Variants in OSBP observed in about 807,000 individuals in gnomAD.
The protein encoded by OSBP is oxysterol binding protein.
In OSBP, 32 loss-of-function variants were observed where a neutral mutation model predicts 96.6. The ratio of observed to expected loss-of-function variants is 0.33; its 90% confidence interval spans 0.25 to 0.45. The LOEUF (loss-of-function observed/expected upper bound fraction) is 0.45. Ranked by LOEUF, OSBP falls within the 20% of genes least tolerant of loss-of-function variation. The pLI is 1.00. For missense variants in OSBP, 653 were observed against 1,029.7 expected (o/e 0.63, Z 5.01); for synonymous variants, 369 against 389.6 (o/e 0.95, Z 0.62).
intron 2 of OSBP, among the ~76,000 whole-genome samples, chr11:59,609,495 A>G (rs1860819600): frequency 6.6e-6 from 1 of 152,082 alleles, no homozygotes. Flanking sequence ...GAAAAAAAAA[A>G]AAAAAGACAA....
At chr11:59,600,935 A>G in intron 5 of OSBP, 62 bp from the exon 6 acceptor site, 1 of 1,386,536 alleles carries the variant, frequency 7.2e-7, no homozygotes, top group Non-Finnish European at 1.0e-6. Context: ...GTGGTCCTGG[A>G]CATTTCTTTA....
intron 9 of OSBP, among the ~76,000 whole-genome samples, chr11:59,587,468 C>T (rs775343292): frequency 8.6e-5 from 13 of 151,052 alleles, no homozygotes; most frequent in Non-Finnish European, 1.8e-4. Context: ...CGCCACTGCA[C>T]TCCAGACTGG....
rs1220431913 is a variant in OSBP at position 59,575,816 on chromosome 11, GC to G, written c.*760del. 5 of 152,242 alleles carry G rather than the reference GC, an allele frequency of 3.3e-5. No individual in the cohort carries two copies. The highest frequency in any genetic ancestry group is 1.3e-4 in the Admixed American group (2 of 15,286). The allele number at this position is 152,242 out of a possible 1,614,324, so 9.4% of individuals were successfully genotyped here. A position where few individuals can be genotyped will look rare whatever the true frequency, so the allele number is the denominator to read the frequency against. On this transcript the variant is annotated 3_prime_UTR_variant, in exon 14 of 14. Transcript: ENST00000263847. ...CTGCCTGTGTTCTCAGAAGCTCTCC[GC>G]CTGAGGAAGTCCATAAAACCCCTTT... is the stretch of plus-strand genomic sequence containing the variant.
rs761633183 is a variant in OSBP at position 59,574,475 on chromosome 11, T to G, written c.*2102A>C. ...CAATAAGGCAAAAAAACTGAAAATA[T>G]ATATAGTTGTGTTTTGTTTTCATGT... On this transcript the variant is annotated 3_prime_UTR_variant, in exon 14 of 14. Transcript: ENST00000263847. 6.6e-6 allele frequency: 1 copy of G among 152,240 alleles called. No homozygotes were observed. Among genetic ancestry groups the G allele is most frequent in the Non-Finnish European group, 1.5e-5 (1 of 67,994 alleles). The allele number at this position is 152,240 out of a possible 1,614,324, so 9.4% of individuals were successfully genotyped here.
intron 12 of OSBP, 85 bp from the exon 13 acceptor site, chr11:59,577,110 GC>G: frequency 1.9e-6 from 2 of 1,043,838 alleles, no homozygotes; most frequent in Non-Finnish European, 2.8e-6. Flanking sequence ...CACTGCCAAG[GC>G]CACATCACCA....
In OSBP at chr11:59,574,551, G is replaced by A. The variant is rs184001323; in HGVS notation, c.*2026C>T. ...AAACTTCTTCCATTAGCGGGAATCT[G>A]ATTGGGATCAGCCAGAAATGTAGTG... is the stretch of plus-strand genomic sequence containing the variant. On this transcript the variant is annotated 3_prime_UTR_variant, in exon 14 of 14. Coordinates refer to ENST00000263847, the MANE Select transcript of OSBP (RefSeq NM_002556.3). 50 of 152,472 alleles carry A rather than the reference G, an allele frequency of 3.3e-4. No individual in the cohort carries two copies. The East Asian group carries it at 3.9e-3, about 12-fold the overall frequency. The allele number at this position is 152,472 out of a possible 1,614,324, so 9.4% of individuals were successfully genotyped here. A position where few individuals can be genotyped will look rare whatever the true frequency, so the allele number is the denominator to read the frequency against.
In OSBP at chr11:59,615,599, G is replaced by A. The variant is rs775119868; in HGVS notation, c.66C>T (p.Gly22=). ...PGPAAIAALG[G]GGAGPPVVGG... Reference sequence around the variant, plus strand: ...CCACCACTGGGGGACCGGCGCCGCCGCCGCCAAGTGCTGCAATGGCTGCCG... The same window carrying A: ...CCACCACTGGGGGACCGGCGCCGCCACCGCCAAGTGCTGCAATGGCTGCCG... Residue 22 remains glycine, a synonymous_variant, in exon 1 of 14, where the codon GGC becomes GGT. Coordinates refer to ENST00000263847, the MANE Select transcript of OSBP (RefSeq NM_002556.3). 4 of 1,373,316 alleles carry A rather than the reference G, an allele frequency of 2.9e-6. No homozygotes were observed. The highest frequency in any genetic ancestry group is 3.8e-6 in the Non-Finnish European group (4 of 1,060,500). 85.1% of individuals were successfully genotyped at this position (1,373,316 alleles called of 1,614,324 possible). A position where few individuals can be genotyped will look rare whatever the true frequency, so the allele number is the denominator to read the frequency against.
chr11:59,587,312 C>G (rs1590669762), intron 9 of OSBP, among the ~76,000 whole-genome samples: 1 of 152,034 alleles, frequency 6.6e-6, no homozygotes, highest in Admixed American at 6.6e-5. Flanking sequence ...ACCAGCCTGA[C>G]CAACATGGTG....
intron 9 of OSBP, among the ~76,000 whole-genome samples, chr11:59,587,355 A>G (rs1417519520): frequency 6.6e-6 from 1 of 152,052 alleles, no homozygotes; most frequent in African/African-American, 2.4e-5. Flanking sequence ...ACAAAAAATT[A>G]GCCGGGTGTG....
intron 11 of OSBP, among the ~76,000 whole-genome samples, chr11:59,579,375 C>T (rs1431408406): frequency 6.6e-6 from 1 of 151,258 alleles, no homozygotes; most frequent in Non-Finnish European, 1.5e-5. Context: ...CTCTTGCTGC[C>T]CAGGCTGGAG....
intron 3 of OSBP, among the ~76,000 whole-genome samples, chr11:59,603,941 C>T (rs1304838273): frequency 1.3e-5 from 2 of 152,156 alleles, no homozygotes; most frequent in Non-Finnish European, 2.9e-5. Context: ...TTGCTTCCTT[C>T]CTCACAGCCA....
Position 59,615,611 on chromosome 11 carries a change from T to C in OSBP, c.54A>G (p.Ala18=). 7.3e-7 allele frequency: 1 copy of C among 1,379,130 alleles called. No homozygotes were observed. Among genetic ancestry groups the C allele is most frequent in the Non-Finnish European group, 9.4e-7 (1 of 1,064,828 alleles). The allele number at this position is 1,379,130 out of a possible 1,614,324, so 85.4% of individuals were successfully genotyped here. The change falls in exon 1 of 14, where the codon GCA becomes GCG. Residue 18 remains alanine (A), a synonymous_variant. Coordinates refer to ENST00000263847, the MANE Select transcript of OSBP (RefSeq NM_002556.3). The part of the protein sequence containing the change: ...GVVGPGPAAI[A]ALGGGGAGPP... ...GACCGGCGCCGCCGCCGCCAAGTGC[T>C]GCAATGGCTGCCGGGCCTGGCCCCA...
At chr11:59,600,755 A>G in intron 6 of OSBP, 64 bp downstream of exon 6, 6 of 1,571,446 alleles carry the variant, frequency 3.8e-6, no homozygotes, top group Non-Finnish European at 4.3e-6. Context: ...CAAAAAAAAA[A>G]AAAAAATCCT....
chr11:59,586,615 G>C (rs1860502761), intron 9 of OSBP, among the ~76,000 whole-genome samples: 1 of 152,158 alleles, frequency 6.6e-6, no homozygotes, highest in East Asian at 1.9e-4. Flanking sequence ...AAAGCTAGAG[G>C]ACTCAAACTT....
chr11:59,599,312 C>T (rs1860692164), intron 7 of OSBP, among the ~76,000 whole-genome samples: 1 of 152,216 alleles, frequency 6.6e-6, no homozygotes, highest in Admixed American at 6.5e-5. Flanking sequence ...CTGAATTCAT[C>T]TAATTTTCAC....
In OSBP at chr11:59,577,876, T is replaced by C. The variant is rs971743777; in HGVS notation, c.2060+273A>G. ...TTTTGAACAGTTTTGCTCTAAATAG[T>C]AGAAAAATACCCTTCTGAATCACAA... On this transcript the variant is annotated intron_variant, in intron 12 of 13. Transcript: ENST00000263847. Among the ~76,000 whole-genome samples the C allele has an allele frequency of 3.9e-5, 6 of 152,198 alleles. 1 individual carries two copies. Among genetic ancestry groups the C allele is most frequent in the African/African-American group, 1.4e-4 (6 of 41,450 alleles).
chr11:59,591,177 C>T (rs1351860564), intron 9 of OSBP, among the ~76,000 whole-genome samples: 2 of 151,966 alleles, frequency 1.3e-5, no homozygotes, highest in Non-Finnish European at 2.9e-5. Context: ...AATGAAGTCT[C>T]CCTAGGATAA....
Position 59,577,004 on chromosome 11 carries a change from G to A in OSBP, c.2082C>T (p.Tyr694=), listed in dbSNP as rs755554619. 3.7e-6 allele frequency: 6 copies of A among 1,612,966 alleles called. No homozygotes were observed. The Admixed American group carries it at 1.0e-4, about 27-fold the overall frequency. ...GAGTCAGAGCAAGCTCTGAGAAGTA[G>A]TACATGTTTTCTGCATTCTTCCTAA... is the stretch of plus-strand genomic sequence containing the variant. ...NPLPKNAENM[Y]YFSELALTLN... The change falls in exon 13 of 14, where the codon TAC becomes TAT. Residue 694 remains tyrosine (Y), a synonymous_variant. Coordinates refer to ENST00000263847, the MANE Select transcript of OSBP (RefSeq NM_002556.3).
Position 59,577,033 on chromosome 11 carries a change from T to A in OSBP, c.2061-8A>T. On this transcript the variant is annotated splice_region_variant and splice_polypyrimidine_tract_variant and intron_variant, in intron 12 of 13. Coordinates refer to ENST00000263847, the MANE Select transcript of OSBP (RefSeq NM_002556.3). ...ATGTTTTCTGCATTCTTCCTAAAAG[T>A]AGAAGACAAGAAAAAGAAATGGTAA... 4 of 1,606,612 alleles carry A rather than the reference T, an allele frequency of 2.5e-6. No homozygotes were observed. The highest frequency in any genetic ancestry group is 3.4e-6 in the Non-Finnish European group (4 of 1,176,598).
Sources: gnomAD v4.1 joint callset for allele counts (sites outside exome capture counted in the v4.1 genomes callset) on GRCh38, gnomAD v4.1.1 for gene constraint, MANE v1.5 for transcripts, NCBI Gene and HGNC (gene_info 2026-07-23, HGNC 2026-07-21) for gene names.